The following ZC3H12B variants were observed in gnomAD, a reference collection of about 807,000 sequenced individuals.
ZC3H12B encodes probable ribonuclease ZC3H12B.
ZC3H12B carries 7 observed loss-of-function variants against 43.9 expected under a neutral mutation model. The ratio of observed to expected loss-of-function variants is 0.16; its 90% CI spans 0.09 to 0.30. The LOEUF (loss-of-function observed/expected upper bound fraction) is 0.30. Ranked by LOEUF, ZC3H12B falls within the 10% of genes least tolerant of loss-of-function variation. The pLI is 1.00. For missense variants in ZC3H12B, 475 were observed against 670.2 expected (o/e 0.71, Z 3.22); for synonymous variants, 222 against 241.7 (o/e 0.92, Z 0.76).
At chrX:65,326,120 G>A in the ZC3H12B span, among the ~76,000 whole-genome samples, 2 of 111,565 alleles carry the variant, frequency 1.8e-5, no homozygotes, top group African/African-American at 3.2e-5. Context: ...AGGGGCCTGA[G>A]CAATGTTATT....
the ZC3H12B span, among the ~76,000 whole-genome samples, chrX:65,216,967 G>T: frequency 9.0e-6 from 1 of 111,594 alleles, no homozygotes; most frequent in Non-Finnish European, 1.9e-5. Context: ...AGCAGCCACA[G>T]GCCTTAGACT....
chrX:65,251,670 G>T, the ZC3H12B span, among the ~76,000 whole-genome samples: 1 of 111,561 alleles, frequency 9.0e-6, no homozygotes, highest in African/African-American at 3.3e-5. Flanking sequence ...TTGTAAGTTG[G>T]ATTCCTAGGT....
intron 2 of ZC3H12B, among the ~76,000 whole-genome samples, chrX:65,397,719 A>G (rs2066717228): frequency 8.9e-6 from 1 of 112,021 alleles, no homozygotes; most frequent in Non-Finnish European, 1.9e-5. Context: ...AAGATCAGGA[A>G]TACAACAAGA....
At chrX:65,196,180 C>A in the ZC3H12B span, among the ~76,000 whole-genome samples, 2 of 104,331 alleles carry the variant, frequency 1.9e-5, no homozygotes, top group African/African-American at 7.1e-5. Flanking sequence ...GCTGGTGCCC[C>A]ATGTGAGGAC....
the ZC3H12B span, among the ~76,000 whole-genome samples, chrX:65,315,885 TA>T: frequency 2.7e-5 from 3 of 111,348 alleles, no homozygotes; most frequent in African/African-American, 9.8e-5. Flanking sequence ...CCACATCCAG[TA>T]AAAAGTCAAA....
the ZC3H12B span, among the ~76,000 whole-genome samples, chrX:65,057,738 G>A: frequency 1.8e-5 from 2 of 111,535 alleles, no homozygotes; most frequent in Non-Finnish European, 3.8e-5. Flanking sequence ...TGTAGATTTG[G>A]TCTTTTCATA....
chrX:65,346,684 C>T, the ZC3H12B span, among the ~76,000 whole-genome samples: 1 of 112,237 alleles, frequency 8.9e-6, no homozygotes, highest in African/African-American at 3.2e-5. Flanking sequence ...AGTAAATAGA[C>T]AACCTACAGA....
At chrX:65,206,735 T>C in the ZC3H12B span, among the ~76,000 whole-genome samples, 3 of 109,498 alleles carry the variant, frequency 2.7e-5, no homozygotes, top group Admixed American at 9.8e-5. Context: ...ACCCGCAGAG[T>C]GGGAAAAAAT....
the ZC3H12B span, among the ~76,000 whole-genome samples, chrX:65,219,550 A>T: frequency 9.0e-6 from 1 of 111,346 alleles, no homozygotes; most frequent in Non-Finnish European, 1.9e-5. Context: ...CAAGTAGAAG[A>T]AGGAACTTCA....
the ZC3H12B span, among the ~76,000 whole-genome samples, chrX:65,075,456 C>T: frequency 8.9e-6 from 1 of 112,302 alleles, no homozygotes; most frequent in Non-Finnish European, 1.9e-5. Flanking sequence ...AAATCACTTA[C>T]ATCTCTTTTG....
the ZC3H12B span, among the ~76,000 whole-genome samples, chrX:65,238,492 C>G: frequency 1.0e-5 from 1 of 96,785 alleles, no homozygotes; most frequent in Admixed American, 1.0e-4. Context: ...CTCTTTTCTT[C>G]TTTATTAGTC....
At chrX:65,352,008 A>T in the ZC3H12B span, among the ~76,000 whole-genome samples, 1 of 112,535 alleles carries the variant, frequency 8.9e-6, no homozygotes, top group Non-Finnish European at 1.9e-5. Flanking sequence ...CTATAAAGAC[A>T]CATGCACAAT....
chrX:65,401,117 A>C (rs2066757449), intron 3 of ZC3H12B, among the ~76,000 whole-genome samples: 1 of 110,616 alleles, frequency 9.0e-6, no homozygotes, highest in Non-Finnish European at 1.9e-5. Context: ...TAGAACCAAA[A>C]ATCAGATGAG....
the ZC3H12B span, among the ~76,000 whole-genome samples, chrX:65,102,002 C>T: frequency 8.9e-6 from 1 of 111,792 alleles, no homozygotes; most frequent in Non-Finnish European, 1.9e-5. Flanking sequence ...ACTGGCAAAC[C>T]GAACGCAGCA....
the ZC3H12B span, among the ~76,000 whole-genome samples, chrX:65,258,084 A>G: frequency 8.9e-6 from 1 of 111,755 alleles, no homozygotes; most frequent in African/African-American, 3.3e-5. Context: ...CACACACACA[A>G]AAAGGAAAAC....
the ZC3H12B span, among the ~76,000 whole-genome samples, chrX:65,275,185 A>G: frequency 2.7e-5 from 3 of 112,630 alleles, no homozygotes; most frequent in East Asian, 8.5e-4. Context: ...TCTGAGAAAA[A>G]CAACCCTCTG....
the ZC3H12B span, among the ~76,000 whole-genome samples, chrX:65,060,283 G>A: frequency 2.7e-4 from 30 of 112,036 alleles, no homozygotes; most frequent in Admixed American, 2.5e-3. Flanking sequence ...TATCCCTGTT[G>A]TGTTCCAGAT....
chrX:65,460,925 C>A (rs1487464637), intron 3 of ZC3H12B, among the ~76,000 whole-genome samples: 3 of 111,532 alleles, frequency 2.7e-5, no homozygotes, highest in East Asian at 5.6e-4. Context: ...AACAGGCAAC[C>A]TACAGAATGG....
At chrX:65,249,571 A>T in the ZC3H12B span, among the ~76,000 whole-genome samples, 4 of 110,767 alleles carry the variant, frequency 3.6e-5, no homozygotes, top group Non-Finnish European at 5.7e-5. Context: ...TCATTTTATA[A>T]TTTTTTCTAA....
Sources: allele counts gnomAD v4.1 joint callset (sites outside exome capture counted in the v4.1 genomes callset), GRCh38; gene constraint gnomAD v4.1.1; transcripts MANE v1.5; gene names NCBI Gene and HGNC (gene_info 2026-07-23, HGNC 2026-07-21).